PIK3R1: variants seen among roughly 807,000 people sequenced by gnomAD.
The protein encoded by PIK3R1 is phosphoinositide-3-kinase regulatory subunit 1, also known as phosphatidylinositol 3-kinase regulatory subunit alpha.
PIK3R1 carries 29 observed loss-of-function variants against 98.0 expected under a neutral mutation model. The ratio of observed to expected loss-of-function variants is 0.30; its 90% CI spans 0.22 to 0.40. PIK3R1 has a LOEUF of 0.40. Ranked by LOEUF, PIK3R1 falls within the 10% of genes least tolerant of loss-of-function variation. PIK3R1 has a pLI of 1.00. For synonymous variants in PIK3R1, 282 were observed against 311.8 expected (o/e 0.90, Z 1.01); for missense variants, 596 against 872.7 (o/e 0.68, Z 3.99).
chr5:68,300,333 G>A lies in PIK3R1; in HGVS notation c.*2732G>A, dbSNP rs917796490. Reference sequence around the variant, plus strand: ...TGTCGTTTTAGATACTTTGCTAGCCGGCCACTTTGGATTTCATCAGACAGT... The same window carrying A: ...TGTCGTTTTAGATACTTTGCTAGCCAGCCACTTTGGATTTCATCAGACAGT... On this transcript the variant is annotated 3_prime_UTR_variant, in exon 16 of 16. Transcript: ENST00000521381. The A allele has an allele frequency of 2.1e-5, 5 of 232,732 alleles. No individual in the cohort carries two copies. The highest frequency in any genetic ancestry group is 4.4e-5 in the African/African-American group (2 of 45,294). 14.4% of individuals were successfully genotyped at this position (232,732 alleles called of 1,614,324 possible).
intron 2 of PIK3R1, among the ~76,000 whole-genome samples, chr5:68,264,056 G>A (rs1746018344): frequency 6.6e-6 from 1 of 152,192 alleles, no homozygotes; most frequent in African/African-American, 2.4e-5. Context: ...AAAGTGATAA[G>A]TTAGCCAGCT....
intron 7 of PIK3R1, among the ~76,000 whole-genome samples, chr5:68,285,375 C>G (rs1580250719): frequency 6.6e-6 from 1 of 152,134 alleles, no homozygotes; most frequent in Non-Finnish European, 1.5e-5. Context: ...AAGGCAAGCA[C>G]TAAGGTAGAG....
chr5:68,279,846 T>C (rs1394481381), intron 5 of PIK3R1, 113 bp downstream of exon 5: 6 of 1,000,414 alleles, frequency 6.0e-6, no homozygotes, highest in Non-Finnish European at 8.9e-6. Context: ...TAATAACCTG[T>C]CCCTCCCCCA....
chr5:68,294,764 T>G, intron 12 of PIK3R1, 86 bp downstream of exon 12: 1 of 1,069,496 alleles, frequency 9.4e-7, no homozygotes, highest in Non-Finnish European at 1.3e-6. Context: ...GTGCTTTGAA[T>G]GATCACGTGG....
intron 7 of PIK3R1, chr5:68,290,944 CATTG>C (rs1156461865): frequency 2.8e-6 from 2 of 712,356 alleles, no homozygotes; most frequent in Admixed American, 6.6e-5. Context: ...TAATTTGTTT[CATTG>C]ATAAAAATTA....
At chr5:68,292,104 G>T in intron 7 of PIK3R1, 155 bp from the exon 8 acceptor site, 1 of 446,696 alleles carries the variant, frequency 2.2e-6, no homozygotes, top group South Asian at 5.4e-5. Flanking sequence ...TTTTTTTTAA[G>T]AAAATTATCT....
At chr5:68,268,367 C>T (rs981932388) in intron 2 of PIK3R1, among the ~76,000 whole-genome samples, 21 of 152,038 alleles carry the variant, frequency 1.4e-4, no homozygotes, top group African/African-American at 4.8e-4. Flanking sequence ...GTTGTAGTGT[C>T]ACCCGTAAAG....
intron 2 of PIK3R1, among the ~76,000 whole-genome samples, chr5:68,263,672 C>A (rs1178481616): frequency 1.3e-5 from 2 of 152,058 alleles, no homozygotes; most frequent in African/African-American, 2.4e-5. Flanking sequence ...AAATTGTTAC[C>A]TTTTAATATA....
intron 3 of PIK3R1, chr5:68,273,723 A>C: frequency 1.7e-6 from 1 of 592,714 alleles, no homozygotes; most frequent in Non-Finnish European, 3.0e-6. Flanking sequence ...ATAATTTAAT[A>C]AATATGATTA....
rs2112261999 is a variant in PIK3R1, at chr5:68,293,705, C to T, written c.1300-4C>T. 2.1e-6 allele frequency: 3 copies of T among 1,431,744 alleles called. No individual in the cohort carries two copies. The South Asian group carries it at 3.7e-5, about 18-fold the overall frequency. The allele number at this position is 1,431,744 out of a possible 1,614,324, so 88.7% of individuals were successfully genotyped here. A position where few individuals can be genotyped will look rare whatever the true frequency, so the allele number is the denominator to read the frequency against. ...ATCCATTGAATTTATTTTAATCTTT[C>T]TAGGATCAAGTTGTCAAAGAAGATA... is the stretch of plus-strand genomic sequence containing the variant. On this transcript the variant is annotated splice_region_variant and splice_polypyrimidine_tract_variant and intron_variant, in intron 10 of 15. Transcript: ENST00000521381.
rs558157100 is a variant in PIK3R1 at position 68,241,545 on chromosome 5, A to G, written c.334+14536A>G. On this transcript the variant is annotated intron_variant, in intron 2 of 15. Coordinates refer to ENST00000521381, the MANE Select transcript of PIK3R1 (RefSeq NM_181523.3). ...CTTACTAACACAATTGCAGGCAAGC[A>G]TTGAACATTTGCTTTGTTCCAGGCA... Among the ~76,000 whole-genome samples the G allele has an allele frequency of 2.0e-5, 3 of 152,354 alleles. No individual in the cohort carries two copies. In the East Asian group the frequency reaches 5.8e-4, roughly 29 times the overall value.
In PIK3R1 at chr5:68,259,370, A is replaced by G. The variant is rs987158509; in HGVS notation, c.335-14020A>G. On this transcript the variant is annotated intron_variant, in intron 2 of 15. Transcript: ENST00000521381. ...AGACCCCACTATTTACAGGGCACTG[A>G]AAGTCATTCTTCCTCTTAATTCCTC... Among the ~76,000 whole-genome samples, 4 of 152,200 alleles carry G rather than the reference A, an allele frequency of 2.6e-5. 1 individual carries two copies. The highest frequency in any genetic ancestry group is 4.4e-5 in the Non-Finnish European group (3 of 68,028).
rs112815708 is a variant in PIK3R1 at position 68,295,775 on chromosome 5, G to GA, written c.1814+293dup. ...CCAAAATATTTTTGGAACAGTCAGA[G>GA]AAAAAATAATTATGCTTAATATATT... On this transcript the variant is annotated intron_variant, in intron 14 of 15. Transcript: ENST00000521381. 248 of 495,624 alleles carry GA rather than the reference G, an allele frequency of 5.0e-4. 1 individual carries two copies. The highest frequency in any genetic ancestry group is 4.5e-3 in the African/African-American group (233 of 52,294). The allele number at this position is 495,624 out of a possible 1,614,324, so 30.7% of individuals were successfully genotyped here.
At chr5:68,258,878 C>T (rs1016264187) in intron 2 of PIK3R1, among the ~76,000 whole-genome samples, 5 of 152,194 alleles carry the variant, frequency 3.3e-5, no homozygotes, top group South Asian at 2.1e-4. Context: ...AGCTCAACTT[C>T]GACTAAATGC....
At chr5:68,290,242 ATAACT>A (rs1179506749) in intron 7 of PIK3R1, among the ~76,000 whole-genome samples, 3 of 152,224 alleles carry the variant, frequency 2.0e-5, no homozygotes, top group African/African-American at 4.8e-5. Flanking sequence ...ACTATAAAAC[ATAACT>A]TAAGTATACC....
Position 68,280,586 on chromosome 5 carries a change from C to A in PIK3R1, c.693C>A (p.Ser231Arg). 6.2e-7 allele frequency: 1 copy of A among 1,612,930 alleles called. No individual in the cohort carries two copies. Among genetic ancestry groups the A allele is most frequent in the Non-Finnish European group, 8.5e-7 (1 of 1,179,188 alleles). ...TGAAGAAGCTTATTAGGTCGCCTAG[C>A]ATACCTCATCAGTATTGGCTTACGC... Reference protein sequence around the residue: ...QLLKKLIRSPSIPHQYWLTLQ... With the variant: ...QLLKKLIRSPRIPHQYWLTLQ... Residue 231 changes from serine to arginine, a missense_variant, in exon 6 of 16, where the codon AGC (serine) becomes AGA (arginine). Physicochemically the swap from Ser to Arg is moderately radical, Grantham distance 110. This residue lies in a region of PIK3R1 where 352 missense variants were observed against 393.3 expected (regional missense o/e 0.90). Coordinates refer to ENST00000521381, the MANE Select transcript of PIK3R1 (RefSeq NM_181523.3).
chr5:68,288,058 T>A (rs1392703472), intron 7 of PIK3R1, among the ~76,000 whole-genome samples: 1 of 152,158 alleles, frequency 6.6e-6, no homozygotes, highest in Non-Finnish European at 1.5e-5. Context: ...TTCAGGCCTT[T>A]ACAAGTGAGG....
chr5:68,220,533 T>G (rs1744057030), intron 1 of PIK3R1, among the ~76,000 whole-genome samples: 1 of 152,240 alleles, frequency 6.6e-6, no homozygotes, highest in African/African-American at 2.4e-5. Context: ...GTCATTCCTC[T>G]GTGTTTCCTG....
At chr5:68,228,705 A>C (rs950662500) in intron 2 of PIK3R1, among the ~76,000 whole-genome samples, 2 of 107,520 alleles carry the variant, frequency 1.9e-5, no homozygotes, top group African/African-American at 1.0e-4. Context: ...AGCTTTACAG[A>C]ATCATAAAAA....
Sources: gnomAD v4.1 joint callset for allele counts (sites outside exome capture counted in the v4.1 genomes callset) on GRCh38, gnomAD v4.1.1 for gene constraint, gnomAD v4.1.1 regional missense constraint, MANE v1.5 for transcripts, NCBI Gene and HGNC (gene_info 2026-07-23, HGNC 2026-07-21) for gene names.